Variants in MINK1 observed in about 807,000 individuals in gnomAD.
The protein encoded by MINK1 is misshapen like kinase 1.
A neutral mutation model predicts 178.4 loss-of-function variants in MINK1; 46 were observed. The ratio of observed to expected loss-of-function variants is 0.26; its 90% confidence interval spans 0.20 to 0.33. The LOEUF (loss-of-function observed/expected upper bound fraction) is 0.33. Ranked by LOEUF, MINK1 falls within the 10% of genes least tolerant of loss-of-function variation. The pLI is 1.00. For synonymous variants in MINK1, 797 were observed against 709.7 expected, an observed-to-expected ratio of 1.12 and a Z score of -1.96; for missense variants, 1,366 against 1,814.9, an observed-to-expected ratio of 0.75 and a Z score of 4.49.
At chr17:4,842,160 C>G (rs901833778) in intron 1 of MINK1, among the ~76,000 whole-genome samples, 3 of 147,778 alleles carry the variant, frequency 2.0e-5, no homozygotes, top group African/African-American at 7.5e-5. Flanking sequence ...GGAGGCGGAG[C>G]TTGTAGTGAG....
intron 1 of MINK1, among the ~76,000 whole-genome samples, chr17:4,866,562 G>A (rs1597458268): frequency 6.9e-6 from 1 of 144,234 alleles, no homozygotes; most frequent in Non-Finnish European, 1.5e-5. Context: ...GCAGAGCCAA[G>A]AATAAGAAAC....
At chr17:4,890,212 C>CCT in intron 13 of MINK1, 1 of 1,229,220 alleles carries the variant, frequency 8.1e-7, no homozygotes, top group Non-Finnish European at 1.0e-6. Flanking sequence ...CCCCACACCC[C>CCT]GTCCCCCAGG....
intron 16 of MINK1, among the ~76,000 whole-genome samples, 198 bp from the exon 17 acceptor site, chr17:4,891,951 A>AG (rs1456797941): frequency 6.6e-6 from 1 of 152,136 alleles, no homozygotes; most frequent in Non-Finnish European, 1.5e-5. Context: ...GGGAGCGCTA[A>AG]GGGGCAGACT....
chr17:4,886,112 G>A lies in MINK1; in HGVS notation c.695-8G>A. On this transcript the variant is annotated splice_polypyrimidine_tract_variant and splice_region_variant and intron_variant, in intron 8 of 31. Coordinates refer to ENST00000355280, the MANE Select transcript of MINK1 (RefSeq NM_153827.5). This position sits in a 1 kb window ranked among gnomAD's most constrained non-coding sequence, Gnocchi z 6.1. ...GAAAGGGACTGAGGGTGTCTCCTCT[G>A]TGTCCAGCTCTGTGTGACATGCACC... is the stretch of plus-strand genomic sequence containing the variant. The A allele has an allele frequency of 1.9e-6, 3 of 1,613,880 alleles. No individual in the cohort carries two copies. The highest frequency in any genetic ancestry group is 1.1e-5 in the South Asian group (1 of 91,084).
Position 4,895,848 on chromosome 17 carries a change from C to G in MINK1, c.3364+16C>G, listed in dbSNP as rs1969394820. The G allele has an allele frequency of 6.2e-7, 1 of 1,611,996 alleles. No homozygotes were observed. The highest frequency in any genetic ancestry group is 8.5e-7 in the Non-Finnish European group (1 of 1,178,980). On this transcript the variant is annotated intron_variant, in intron 27 of 31. Transcript: ENST00000355280. This position sits in a 1 kb window ranked among gnomAD's most constrained non-coding sequence, Gnocchi z 4.3. ...TACCGTGTTGGTGAGGATGTCCCAACAGAGTGGCCAGCGCATACTTGTTCA... is the reference window on the plus strand; with the variant it reads ...TACCGTGTTGGTGAGGATGTCCCAAGAGAGTGGCCAGCGCATACTTGTTCA...
At chr17:4,834,831 C>G (rs747040595) in intron 1 of MINK1, 1 of 520,084 alleles carries the variant, frequency 1.9e-6, no homozygotes, top group South Asian at 1.4e-5. Context: ...TTTGAGTCAG[C>G]CAGGGAACAT....
chr17:4,885,424 G>A lies in MINK1; in HGVS notation c.509-59G>A. The A allele has an allele frequency of 6.3e-7, 1 of 1,595,836 alleles. No homozygotes were observed. On this transcript the variant is annotated intron_variant, in intron 6 of 31. Transcript: ENST00000355280. This position sits in a 1 kb window ranked among gnomAD's most constrained non-coding sequence, Gnocchi z 5.0. ...AAGTCCTGTGTGTGCACGCAGGGATGTGAGGCAAGGGAGCAGAGGTGACTC... is the reference window on the plus strand; with the variant it reads ...AAGTCCTGTGTGTGCACGCAGGGATATGAGGCAAGGGAGCAGAGGTGACTC...
chr17:4,895,305 A>C lies in MINK1; in HGVS notation c.3086-45A>C, dbSNP rs748936721. 3.7e-6 allele frequency: 6 copies of C among 1,606,768 alleles called. No homozygotes were observed. Among genetic ancestry groups the C allele is most frequent in the Non-Finnish European group, 5.1e-6 (6 of 1,175,164 alleles). ...TGGCTCTTGTGCTCCTGGTTAGGTG[A>C]GGGCCTGGCTGAGCCTCTGACCTGC... On this transcript the variant is annotated intron_variant, in intron 25 of 31. Coordinates refer to ENST00000355280, the MANE Select transcript of MINK1 (RefSeq NM_153827.5). This position sits in a 1 kb window ranked among gnomAD's most constrained non-coding sequence, Gnocchi z 4.3.
chr17:4,871,481 G>GCATTACA (rs1384417690), intron 1 of MINK1, among the ~76,000 whole-genome samples: 30 of 151,906 alleles, frequency 2.0e-4, no homozygotes, highest in Admixed American at 1.7e-3. Flanking sequence ...CAAAGTGCTG[G>GCATTACA]GGTTATAGAC....
At chr17:4,889,454 T>C (rs1345182631) in intron 12 of MINK1, among the ~76,000 whole-genome samples, 193 bp from the exon 13 acceptor site, 1 of 152,122 alleles carries the variant, frequency 6.6e-6, no homozygotes, top group Non-Finnish European at 1.5e-5. Flanking sequence ...TCGTCACAGC[T>C]ACCGGCTGTT....
At position 4,891,621 on chromosome 17, in the gene MINK1, G is replaced by A; in HGVS notation, c.1906G>A (p.Val636Ile). ...PTATPSARGA[V>I]IRQNSDPTSE... ...TGCCACGCCCAGTGCCCGAGGAGCT[G>A]TCATCCGCCAGAATTCAGACCCCAC... Residue 636 changes from valine (V) to isoleucine (I), a missense_variant, in exon 16 of 32, where the codon GTC (valine) becomes ATC (isoleucine). Coordinates refer to ENST00000355280, the MANE Select transcript of MINK1 (RefSeq NM_153827.5). 1.2e-6 allele frequency: 2 copies of A among 1,602,572 alleles called. No individual in the cohort carries two copies. The highest frequency in any genetic ancestry group is 1.7e-6 in the Non-Finnish European group (2 of 1,175,268).
In MINK1 at chr17:4,892,648, C is replaced by G. The variant is rs372565022; in HGVS notation, c.2199-8C>G. ...GCCTCCCTGACCCTGACTCTGCCCC[C>G]CCAACAGTAACCCCGACCTCAGGAG... On this transcript the variant is annotated splice_region_variant and splice_polypyrimidine_tract_variant and intron_variant, in intron 18 of 31. Coordinates refer to ENST00000355280, the MANE Select transcript of MINK1 (RefSeq NM_153827.5). 8 of 1,595,646 alleles carry G rather than the reference C, an allele frequency of 5.0e-6. No homozygotes were observed. Among genetic ancestry groups the G allele is most frequent in the African/African-American group, 2.7e-5 (2 of 74,762 alleles).
intron 1 of MINK1, among the ~76,000 whole-genome samples, chr17:4,864,245 C>CA (rs1914602440): frequency 6.6e-6 from 1 of 150,800 alleles, no homozygotes. Flanking sequence ...ACTAAAAATA[C>CA]AAAATTAGCC....
In MINK1 at chr17:4,894,850, G is replaced by A; in HGVS notation, c.2917+217G>A. On this transcript the variant is annotated intron_variant, in intron 24 of 31. Coordinates refer to ENST00000355280, the MANE Select transcript of MINK1 (RefSeq NM_153827.5). The surrounding 1 kb of genome is among the most constrained non-coding windows in gnomAD (Gnocchi z 4.1). ...ATGCTCAGAGTTGCCAGGGGACCTG[G>A]GCAAAGACTCAAAGCTAACAAGTGA... The A allele has an allele frequency of 1.5e-6, 1 of 648,986 alleles. No homozygotes were observed. 40.2% of individuals were successfully genotyped at this position (648,986 alleles called of 1,614,324 possible).
chr17:4,843,483 A>G (rs533116102), intron 1 of MINK1, among the ~76,000 whole-genome samples: 1 of 151,552 alleles, frequency 6.6e-6, no homozygotes, highest in African/African-American at 2.4e-5. Context: ...GTCACAAAAA[A>G]AAAAGAAAGA....
rs1049189438 is a variant in MINK1 at position 4,878,397 on chromosome 17, G to A, written c.123+15G>A. 4.1e-5 allele frequency: 63 copies of A among 1,535,464 alleles called. No homozygotes were observed. The highest frequency in any genetic ancestry group is 5.1e-5 in the Non-Finnish European group (59 of 1,145,668). On this transcript the variant is annotated intron_variant, in intron 2 of 31. Coordinates refer to ENST00000355280, the MANE Select transcript of MINK1 (RefSeq NM_153827.5). Reference sequence around the variant, plus strand: ...AGGTGTACAAGGTGAGACGAATGGTGTGGAAGTATGACCTCCACATCTGCA... The same window carrying A: ...AGGTGTACAAGGTGAGACGAATGGTATGGAAGTATGACCTCCACATCTGCA...
Position 4,887,328 on chromosome 17 carries a change from G to A in MINK1, c.1019+149G>A. On this transcript the variant is annotated intron_variant, in intron 11 of 31. Transcript: ENST00000355280. This position sits in a 1 kb window ranked among gnomAD's most constrained non-coding sequence, Gnocchi z 7.6. ...AAACCAAATTTCTGAGTGCTAAGAA[G>A]TGGAACCAATGACTGAGCAAGAGCT... 1 of 869,278 alleles carries A rather than the reference G, an allele frequency of 1.2e-6. No individual in the cohort carries two copies. The highest frequency in any genetic ancestry group is 2.7e-5 in the East Asian group (1 of 37,646). 53.8% of individuals were successfully genotyped at this position (869,278 alleles called of 1,614,324 possible). A position where few individuals can be genotyped will look rare whatever the true frequency, so the allele number is the denominator to read the frequency against.
chr17:4,872,597 C>T (rs1915985069), intron 1 of MINK1, among the ~76,000 whole-genome samples: 1 of 151,980 alleles, frequency 6.6e-6, no homozygotes, highest in Admixed American at 6.6e-5. Flanking sequence ...ATGGTAAAAC[C>T]CCGTCTCTAC....
intron 1 of MINK1, chr17:4,854,814 G>C: frequency 4.2e-6 from 2 of 479,992 alleles, no homozygotes; most frequent in Middle Eastern, 3.2e-4. Flanking sequence ...AAAAGATCCG[G>C]TTGAGTTCCA....
Sources: allele counts gnomAD v4.1 joint callset (sites outside exome capture counted in the v4.1 genomes callset), GRCh38; gene constraint gnomAD v4.1.1; non-coding constraint Gnocchi (gnomAD v3.1); transcripts MANE v1.5; gene names NCBI Gene and HGNC (gene_info 2026-07-23, HGNC 2026-07-21).